CA10: variants seen among roughly 807,000 people sequenced by gnomAD.
CA10 encodes the protein carbonic anhydrase 10 (inactive), also known as carbonic anhydrase-related protein 10.
CA10 carries 14 observed loss-of-function variants against 44.2 expected under a neutral mutation model. The observed-to-expected ratio is 0.32, with a 90% CI of 0.21 to 0.50. The LOEUF is 0.50. Ranked by LOEUF, CA10 falls within the 20% of genes least tolerant of loss-of-function variation. The pLI, the probability that CA10 is intolerant of heterozygous loss-of-function variation, is 0.99. For synonymous variants in CA10, 159 were observed against 141.6 expected, an observed-to-expected ratio of 1.12 and a Z score of -0.87; for missense variants, 350 against 409.7, an observed-to-expected ratio of 0.85 and a Z score of 1.26.
At chr17:51,694,876 G>T (rs1025618789) in intron 4 of CA10, among the ~76,000 whole-genome samples, 1 of 152,108 alleles carries the variant, frequency 6.6e-6, no homozygotes, top group African/African-American at 2.4e-5. Flanking sequence ...TCCGCATATG[G>T]CTAGCTGGCT....
intron 3 of CA10, among the ~76,000 whole-genome samples, chr17:51,758,100 A>C (rs1905125412): frequency 6.6e-6 from 1 of 152,108 alleles, no homozygotes; most frequent in Non-Finnish European, 1.5e-5. Flanking sequence ...TTTTTCCCTT[A>C]GTAATGCTAA....
intron 1 of CA10, among the ~76,000 whole-genome samples, chr17:52,083,861 C>CTGCTATAAACATATGAATTCATA (rs1988048498): frequency 6.6e-6 from 1 of 152,052 alleles, no homozygotes; most frequent in African/African-American, 2.4e-5. Context: ...GTGAACAGTA[C>CTGCTATAAACATATGAATTCATA]TGCTATAAAC....
In CA10 at chr17:51,982,262, C is replaced by T. The variant is rs984178205; in HGVS notation, c.137-51130G>A. Among the ~76,000 whole-genome samples, 3 of 151,970 alleles carry T rather than the reference C, an allele frequency of 2.0e-5. No individual in the cohort carries two copies. The East Asian group carries it at 5.8e-4, about 29-fold the overall frequency. On this transcript the variant is annotated intron_variant, in intron 2 of 8. Coordinates refer to ENST00000451037, the MANE Select transcript of CA10 (RefSeq NM_020178.5). The stretch of plus-strand genomic sequence containing the variant: ...GTGTCTACTGTGTGCAACCTTCCCC[C>T]TCAGGATTTAGCTGTGGTGGCAATA...
At chr17:52,154,928 T>C (rs1473784448) in intron 1 of CA10, among the ~76,000 whole-genome samples, 1 of 152,098 alleles carries the variant, frequency 6.6e-6, no homozygotes, top group Non-Finnish European at 1.5e-5. Context: ...TATATCCAAA[T>C]AGGCCCAAGG....
At chr17:51,881,529 A>G (rs951697164) in intron 3 of CA10, among the ~76,000 whole-genome samples, 20 of 152,248 alleles carry the variant, frequency 1.3e-4, no homozygotes, top group African/African-American at 4.6e-4. Flanking sequence ...CACCTAAAAC[A>G]TAAGAATGGT....
rs907185643 is a variant in CA10, at chr17:51,858,078, C to T, written c.279+72912G>A. Among the ~76,000 whole-genome samples the T allele has an allele frequency of 1.1e-4, 17 of 151,958 alleles. No homozygotes were observed. In the East Asian group the frequency reaches 1.9e-3, roughly 17 times the overall value. ...CTATATTATTATGTAAATTGAGAAA[C>T]GGAAAGGAGAGAAATGACTCATTAT... On this transcript the variant is annotated intron_variant, in intron 3 of 8. Transcript: ENST00000451037.
At chr17:51,789,281 G>A (rs1906418199) in intron 3 of CA10, among the ~76,000 whole-genome samples, 1 of 151,360 alleles carries the variant, frequency 6.6e-6, no homozygotes, top group Non-Finnish European at 1.5e-5. Flanking sequence ...CTCCCACAGT[G>A]CTGGGATTAC....
intron 3 of CA10, among the ~76,000 whole-genome samples, chr17:51,876,362 T>G (rs1179473468): frequency 6.7e-6 from 1 of 148,630 alleles, no homozygotes; most frequent in Non-Finnish European, 1.5e-5. Context: ...TTTTTTTTTT[T>G]GGTAGAGATG....
At chr17:52,000,227 A>G (rs1210726018) in intron 2 of CA10, among the ~76,000 whole-genome samples, 1 of 152,076 alleles carries the variant, frequency 6.6e-6, no homozygotes, top group Non-Finnish European at 1.5e-5. Flanking sequence ...GCCCTGGGCC[A>G]CTGATGTGAC....
intron 3 of CA10, among the ~76,000 whole-genome samples, chr17:51,800,368 T>C (rs1001666578): frequency 2.6e-5 from 4 of 152,194 alleles, no homozygotes; most frequent in African/African-American, 7.2e-5. Flanking sequence ...GGGTGACTTC[T>C]AATGCATTTC....
At chr17:51,857,144 A>G (rs1220841527) in intron 3 of CA10, among the ~76,000 whole-genome samples, 1 of 152,196 alleles carries the variant, frequency 6.6e-6, no homozygotes, top group Non-Finnish European at 1.5e-5. Flanking sequence ...TTTATTTACC[A>G]AAGCATATAT....
At chr17:51,775,089 C>T (rs1301829832) in intron 3 of CA10, among the ~76,000 whole-genome samples, 1 of 152,140 alleles carries the variant, frequency 6.6e-6, no homozygotes, top group Non-Finnish European at 1.5e-5. Flanking sequence ...CTCTCTGCCC[C>T]ATTCTCACTC....
At chr17:51,848,729 C>T (rs1295014498) in intron 3 of CA10, among the ~76,000 whole-genome samples, 2 of 152,106 alleles carry the variant, frequency 1.3e-5, no homozygotes, top group South Asian at 2.1e-4. Flanking sequence ...CGGAGGCAGT[C>T]GTGAGAAATC....
chr17:51,670,191 C>T (rs1914364024), intron 4 of CA10, among the ~76,000 whole-genome samples: 1 of 152,136 alleles, frequency 6.6e-6, no homozygotes, highest in Non-Finnish European at 1.5e-5. Flanking sequence ...AAAATGGACC[C>T]TTGCCTGACC....
chr17:51,853,759 T>TA (rs1344831445), intron 3 of CA10, among the ~76,000 whole-genome samples: 2 of 152,068 alleles, frequency 1.3e-5, no homozygotes, highest in African/African-American at 4.8e-5. Flanking sequence ...GTTCTTGTAA[T>TA]AGTGAGTTCT....
chr17:52,098,996 T>A (rs1173077347), intron 1 of CA10, among the ~76,000 whole-genome samples: 1 of 152,098 alleles, frequency 6.6e-6, no homozygotes, highest in African/African-American at 2.4e-5. Flanking sequence ...CAAAAATACA[T>A]GAATAAATAA....
At chr17:51,825,672 A>G (rs774840969) in intron 3 of CA10, among the ~76,000 whole-genome samples, 3 of 152,200 alleles carry the variant, frequency 2.0e-5, no homozygotes, top group Non-Finnish European at 4.4e-5. Flanking sequence ...TCTGTTTTCA[A>G]TTGCATACTC....
intron 3 of CA10, among the ~76,000 whole-genome samples, chr17:51,831,304 T>C (rs536712235): frequency 6.6e-6 from 1 of 152,218 alleles, no homozygotes; most frequent in Non-Finnish European, 1.5e-5. Context: ...TAAATTATTG[T>C]TTTTTAAAAT....
intron 4 of CA10, among the ~76,000 whole-genome samples, chr17:51,662,063 T>C (rs1324492322): frequency 6.6e-6 from 1 of 152,204 alleles, no homozygotes; most frequent in Non-Finnish European, 1.5e-5. Context: ...ATTTGGGAGA[T>C]GAATAAAGAA....
Sources: gnomAD v4.1 joint callset for allele counts (sites outside exome capture counted in the v4.1 genomes callset) on GRCh38, gnomAD v4.1.1 for gene constraint, MANE v1.5 for transcripts, NCBI Gene and HGNC (gene_info 2026-07-23, HGNC 2026-07-21) for gene names.